GRIA3: variants seen among roughly 807,000 people sequenced by gnomAD.
GRIA3 encodes the protein glutamate receptor 3.
Under a neutral mutation model 63.0 loss-of-function variants are expected in GRIA3, and 3 were observed. That is an observed-to-expected ratio of 0.05 (90% CI 0.02 to 0.12). The LOEUF (loss-of-function observed/expected upper bound fraction) is 0.12. GRIA3 is among the 10% of genes least tolerant of loss of function. The pLI is 1.00. For missense variants in GRIA3, 347 were observed against 700.9 expected (o/e 0.50, Z 5.70); for synonymous variants, 274 against 257.9 (o/e 1.06, Z -0.60).
At chrX:123,267,620 G>A (rs1211560075) in intron 3 of GRIA3, among the ~76,000 whole-genome samples, 1 of 112,253 alleles carries the variant, frequency 8.9e-6, no homozygotes, top group Non-Finnish European at 1.9e-5. Flanking sequence ...GCTTCAAAAT[G>A]TCTGTGTAGG....
intron 3 of GRIA3, among the ~76,000 whole-genome samples, chrX:123,310,778 G>A (rs1057060769): frequency 1.2e-4 from 14 of 112,006 alleles, no homozygotes; most frequent in Admixed American, 4.7e-4. Flanking sequence ...CAAGGCGGGC[G>A]GATCACTTGA....
intron 12 of GRIA3, among the ~76,000 whole-genome samples, chrX:123,454,537 C>T (rs2147422221): frequency 9.0e-6 from 1 of 110,640 alleles, no homozygotes; most frequent in South Asian, 3.9e-4. Flanking sequence ...CATTTGGGGC[C>T]GGATAATTAC....
chrX:123,255,045 G>A (rs1411909816), intron 3 of GRIA3, among the ~76,000 whole-genome samples: 1 of 112,017 alleles, frequency 8.9e-6, no homozygotes, highest in African/African-American at 3.2e-5. Context: ...ATATAATATG[G>A]TTTCAAGGGG....
chrX:123,307,868 G>A (rs2044764972), intron 3 of GRIA3, among the ~76,000 whole-genome samples: 1 of 111,617 alleles, frequency 9.0e-6, no homozygotes, highest in Non-Finnish European at 1.9e-5. Flanking sequence ...AGATTGTGCT[G>A]CTCATTTGGA....
intron 2 of GRIA3, among the ~76,000 whole-genome samples, chrX:123,251,190 T>A (rs1401946315): frequency 8.9e-6 from 1 of 112,446 alleles, no homozygotes; most frequent in Admixed American, 9.4e-5. Flanking sequence ...ATGGCTATTA[T>A]CATTATTATT....
intron 2 of GRIA3, among the ~76,000 whole-genome samples, chrX:123,244,469 T>C (rs1193712807): frequency 8.9e-6 from 1 of 112,817 alleles, no homozygotes; most frequent in Admixed American, 9.4e-5. Context: ...GCTGCCTGTA[T>C]GGTAGGCTTG....
chrX:123,309,210 C>T (rs905953330), intron 3 of GRIA3, among the ~76,000 whole-genome samples: 3 of 110,173 alleles, frequency 2.7e-5, no homozygotes, highest in Admixed American at 1.9e-4. Flanking sequence ...CGTGGTGAAA[C>T]CCTGTCTCTA....
chrX:123,201,630 A>G (rs923319229), intron 2 of GRIA3, among the ~76,000 whole-genome samples: 18 of 110,543 alleles, frequency 1.6e-4, no homozygotes, highest in Non-Finnish European at 2.1e-4. Context: ...ACTAGAATTC[A>G]TGTCTCTTGA....
intron 2 of GRIA3, among the ~76,000 whole-genome samples, chrX:123,188,864 A>G (rs1196500811): frequency 9.0e-6 from 1 of 111,592 alleles, no homozygotes; most frequent in Non-Finnish European, 1.9e-5. Context: ...TCTTTCATAT[A>G]TGTGTCCCTG....
chrX:123,399,754 G>A (rs770340954), intron 7 of GRIA3, among the ~76,000 whole-genome samples: 2 of 111,824 alleles, frequency 1.8e-5, no homozygotes, highest in South Asian at 3.8e-4. Flanking sequence ...AACTTGTAAC[G>A]GCCTCATAAC....
intron 2 of GRIA3, among the ~76,000 whole-genome samples, chrX:123,206,620 C>CA (rs1556208375): frequency 9.1e-5 from 10 of 110,159 alleles, no homozygotes; most frequent in African/African-American, 3.3e-4. Flanking sequence ...TTGTGTGTGG[C>CA]TTTTTTTTCC....
At chrX:123,276,944 T>G (rs1411147517) in intron 3 of GRIA3, among the ~76,000 whole-genome samples, 1 of 111,696 alleles carries the variant, frequency 9.0e-6, no homozygotes, top group Non-Finnish European at 1.9e-5. Flanking sequence ...TTACCCACAT[T>G]GCAAATTTCA....
At chrX:123,190,319 G>A (rs765903099) in intron 2 of GRIA3, among the ~76,000 whole-genome samples, 284 of 111,492 alleles carry the variant, frequency 2.5e-3, no homozygotes, top group African/African-American at 8.9e-3. Flanking sequence ...CAGTAAGCAC[G>A]CCGGCTTAGC....
At chrX:123,259,509 G>GCA (rs1251994263) in intron 3 of GRIA3, among the ~76,000 whole-genome samples, 8 of 106,576 alleles carry the variant, frequency 7.5e-5, no homozygotes, top group Admixed American at 2.0e-4. Flanking sequence ...ACACTCATGC[G>GCA]CGCGCACACA....
intron 4 of GRIA3, 64 bp from the exon 5 acceptor site, chrX:123,354,846 C>A: frequency 4.9e-6 from 4 of 811,827 alleles, no homozygotes; most frequent in Non-Finnish European, 7.5e-6. Flanking sequence ...AGCCACCCCA[C>A]TGATTGTGCA....
At chrX:123,443,534 G>A (rs1319915020) in intron 12 of GRIA3, among the ~76,000 whole-genome samples, 1 of 111,782 alleles carries the variant, frequency 8.9e-6, no homozygotes, top group Non-Finnish European at 1.9e-5. Context: ...ATATGGAGCA[G>A]ATGACAAATA....
chrX:123,239,943 T>C (rs1030226325), intron 2 of GRIA3, among the ~76,000 whole-genome samples: 2 of 112,268 alleles, frequency 1.8e-5, no homozygotes, highest in Non-Finnish European at 3.8e-5. Context: ...GGTGCCCTTG[T>C]TAAAAAGCTG....
At chrX:123,253,641 TTC>T in intron 3 of GRIA3, 99 bp downstream of exon 3, 2 of 691,939 alleles carry the variant, frequency 2.9e-6, no homozygotes, top group South Asian at 2.4e-5. Context: ...TAAAATCTAA[TTC>T]TGTTTTAAAA....
chrX:123,472,023 G>T (rs868365246), intron 13 of GRIA3, among the ~76,000 whole-genome samples: 2 of 10,007 alleles, frequency 2.0e-4, no homozygotes, highest in Admixed American at 1.0e-3. Flanking sequence ...ATATATATAT[G>T]ACTATTTGTA....
Sources: gnomAD v4.1 joint callset for allele counts (sites outside exome capture counted in the v4.1 genomes callset) on GRCh38, gnomAD v4.1.1 for gene constraint, MANE v1.5 for transcripts, NCBI Gene and HGNC (gene_info 2026-07-23, HGNC 2026-07-21) for gene names.